Variants in MACF1 observed in about 807,000 individuals in gnomAD.
MACF1 encodes the protein microtubule actin crosslinking factor 1.
MACF1 carries 193 observed loss-of-function variants against 854.8 expected under a neutral mutation model. The ratio of observed to expected loss-of-function variants is 0.23; its 90% confidence interval spans 0.20 to 0.25. The LOEUF is 0.25. Ranked by LOEUF, MACF1 falls within the 10% of genes least tolerant of loss-of-function variation. The pLI is 1.00. For synonymous variants in MACF1, 3,185 were observed against 3,226.7 expected (o/e 0.99, Z 0.44); for missense variants, 7,722 against 8,929.1 (o/e 0.86, Z 5.45).
In MACF1 at chr1:39,302,949, G is replaced by A. The variant is rs1379344348; in HGVS notation, c.2660G>A (p.Cys887Tyr). 11 of 1,613,742 alleles carry A rather than the reference G, an allele frequency of 6.8e-6. No individual in the cohort carries two copies. The highest frequency in any genetic ancestry group is 2.2e-5 in the East Asian group (1 of 44,888). ...IEITICKNDECVLEDNSQRTK... is the reference protein window; with the variant it reads ...IEITICKNDEYVLEDNSQRTK... Reference sequence around the variant, plus strand: ...ATTACTATTTGCAAAAATGATGAATGTGTGCTAGAAGATAATTCTCAGCGG... The same window carrying A: ...ATTACTATTTGCAAAAATGATGAATATGTGCTAGAAGATAATTCTCAGCGG... Residue 887 changes from cysteine to tyrosine, a missense_variant, in exon 23 of 101, where the codon TGT (cysteine) becomes TAT (tyrosine). Transcript: ENST00000564288.
intron 6 of MACF1, among the ~76,000 whole-genome samples, chr1:39,280,217 CTTATTTTTATTATTTCATT>C (rs1274838824): frequency 6.6e-6 from 1 of 152,022 alleles, no homozygotes; most frequent in Non-Finnish European, 1.5e-5. Flanking sequence ...CTTTTATTTG[CTTATTTTTATTATTTCATT>C]TTATTTTTAT....
At chr1:39,411,284 A>T in intron 58 of MACF1, 1 of 1,614,042 alleles carries the variant, frequency 6.2e-7, no homozygotes, top group Non-Finnish European at 8.5e-7. Context: ...GAGGAAGAGA[A>T]ACTGTCAGAC....
At chr1:39,104,653 T>C (rs1279734695) in intron 2 of MACF1, among the ~76,000 whole-genome samples, 1 of 152,182 alleles carries the variant, frequency 6.6e-6, no homozygotes, top group Admixed American at 6.5e-5. Context: ...CAGAATCCCG[T>C]TTTCGTGCCT....
At chr1:39,173,470 G>A (rs376100766) in intron 2 of MACF1, among the ~76,000 whole-genome samples, 15 of 152,258 alleles carry the variant, frequency 9.9e-5, no homozygotes, top group Non-Finnish European at 1.8e-4. Context: ...GAGAGTTCAG[G>A]GTTTAGGCCT....
intron 91 of MACF1, chr1:39,459,891 G>T (rs1042691387): frequency 1.6e-6 from 2 of 1,259,408 alleles, no homozygotes; most frequent in East Asian, 1.1e-4. Context: ...TAAGCTTATT[G>T]GGTTCTTGGT....
intron 58 of MACF1, among the ~76,000 whole-genome samples, chr1:39,392,083 C>T (rs1473748000): frequency 6.6e-6 from 1 of 152,208 alleles, no homozygotes. Flanking sequence ...GGATGCAAAT[C>T]AAAAGCCCTG....
chr1:39,347,061 C>T lies in MACF1; in HGVS notation c.10666C>T (p.Gln3556Ter). ...TCAGTTCTTTATCTCAGAACATGCC[C>T]AGGACTTGTCCCCTCAGCAGAATCG... ...DIQFFISEHAQDLSPQQNRQM... is the reference protein window; with the variant it reads ...DIQFFISEHA The change falls in exon 41 of 101, where the codon CAG (glutamine) becomes TAG (stop). Residue 3556 changes from glutamine to a stop codon, truncating the protein, a stop_gained. Transcript: ENST00000564288. LOFTEE classifies it high-confidence loss of function. 1 of 1,614,128 alleles carries T rather than the reference C, an allele frequency of 6.2e-7. No homozygotes were observed. The highest frequency in any genetic ancestry group is 8.5e-7 in the Non-Finnish European group (1 of 1,179,982).
At chr1:39,324,822 A>G in intron 35 of MACF1, 88 bp downstream of exon 35, 1 of 1,019,816 alleles carries the variant, frequency 9.8e-7, no homozygotes, top group African/African-American at 1.6e-5. Context: ...TTCAGAATGG[A>G]GAATTCAGAG....
rs1383886033 is a variant in MACF1, at chr1:39,302,341, A to C, written c.2635-583A>C. 5.3e-5 allele frequency among the ~76,000 whole-genome samples: 8 copies of C among 152,298 alleles called. No homozygotes were observed. In the East Asian group the frequency reaches 1.5e-3, roughly 29 times the overall value. On this transcript the variant is annotated intron_variant, in intron 22 of 100. Coordinates refer to ENST00000564288, the MANE Select transcript of MACF1 (RefSeq NM_001394062.1). Reference sequence around the variant, plus strand: ...TCCAGTGTCCTAGCACATAGTAGACACTCAAGAAATATGTATTATACAAAA... The same window carrying C: ...TCCAGTGTCCTAGCACATAGTAGACCCTCAAGAAATATGTATTATACAAAA...
At chr1:39,239,285 AAAC>A (rs956592881) in intron 2 of MACF1, among the ~76,000 whole-genome samples, 2 of 23,500 alleles carry the variant, frequency 8.5e-5, no homozygotes, top group African/African-American at 1.5e-4. Context: ...TGTCTCAAAA[AAAC>A]AAACAAACAA....
At chr1:39,459,025 C>T in intron 90 of MACF1, 61 bp from the exon 91 acceptor site, 2 of 1,375,232 alleles carry the variant, frequency 1.5e-6, no homozygotes, top group East Asian at 2.3e-5. Flanking sequence ...TTTATACATA[C>T]AGCTATTTCT....
At chr1:39,156,626 A>T (rs779729542) in intron 2 of MACF1, among the ~76,000 whole-genome samples, 3 of 152,252 alleles carry the variant, frequency 2.0e-5, no homozygotes, top group Non-Finnish European at 4.4e-5. Flanking sequence ...CTCAAAAACA[A>T]CAAAAAAAGA....
rs771737818 is a variant in MACF1 at position 39,357,503 on chromosome 1, G to A, written c.11553G>A (p.Leu3851=). 6.2e-7 allele frequency: 1 copy of A among 1,614,040 alleles called. No homozygotes were observed. Among genetic ancestry groups the A allele is most frequent in the Non-Finnish European group, 8.5e-7 (1 of 1,180,030 alleles). Residue 3851 remains leucine (L), a synonymous_variant, in exon 45 of 101, where the codon CTG becomes CTA. Transcript: ENST00000564288. ...AGCAACAGATGCTGCAACAGAAGCT[G>A]GGAGAGCTAAAGGAACAATACTCTA... is the stretch of plus-strand genomic sequence containing the variant. ...PEEQQMLQQK[L]GELKEQYSTS... is the part of the protein sequence containing the mutation.
In MACF1 at chr1:39,379,332, C is replaced by T; in HGVS notation, c.13406C>T (p.Ala4469Val). 2 of 1,614,126 alleles carry T rather than the reference C, an allele frequency of 1.2e-6. No individual in the cohort carries two copies. The highest frequency in any genetic ancestry group is 1.7e-5 in the Admixed American group (1 of 60,004). Residue 4469 changes from alanine to valine, a missense_variant, in exon 54 of 101, where the codon GCA (alanine) becomes GTA (valine). Coordinates refer to ENST00000564288, the MANE Select transcript of MACF1 (RefSeq NM_001394062.1). The stretch of plus-strand genomic sequence containing the variant: ...AGAATGGAGGAGGTTCACAAGGAGG[C>T]AAACTCTGTGCTGCAGTGGCTGGAA... ...LNRMEEVHKE[A>V]NSVLQWLESK...
Position 39,353,071 on chromosome 1 carries a change from C to A in MACF1, c.11264C>A (p.Thr3755Asn). ...KKIDALLDWVTSVGSSGGQLL... is the reference protein window; with the variant it reads ...KKIDALLDWVNSVGSSGGQLL... ...ATCGATGCTCTCCTGGATTGGGTAA[C>A]TTCAGTAGGATCATCTGGTGGACAG... Residue 3755 changes from threonine to asparagine, a missense_variant, in exon 44 of 101, where the codon ACT becomes AAT. Around this residue, in one of 15 missense-constraint regions of MACF1, gnomAD observed 2,807 missense variants for 3,235.8 expected, o/e 0.87. Transcript: ENST00000564288. 6.2e-7 allele frequency: 1 copy of A among 1,614,134 alleles called. No individual in the cohort carries two copies. The highest frequency in any genetic ancestry group is 8.5e-7 in the Non-Finnish European group (1 of 1,180,018).
intron 6 of MACF1, among the ~76,000 whole-genome samples, chr1:39,273,105 T>A (rs1645357366): frequency 1.3e-5 from 2 of 151,972 alleles, no homozygotes; most frequent in Admixed American, 6.6e-5. Flanking sequence ...CGAATCCCAT[T>A]TAATGAAGCA....
chr1:39,381,989 C>T lies in MACF1; in HGVS notation c.13685C>T (p.Ala4562Val), dbSNP rs1194871168. The change falls in exon 56 of 101, where the codon GCT becomes GTT. Residue 4562 changes from alanine to valine, a missense_variant. Ala to Val is a moderately conservative substitution (Grantham distance 64). This residue lies in a region of MACF1 where 2,807 missense variants were observed against 3,235.8 expected (regional missense o/e 0.87). Coordinates refer to ENST00000564288, the MANE Select transcript of MACF1 (RefSeq NM_001394062.1). Reference sequence around the variant, plus strand: ...GAAAGGGCCACTGAGGTTACTGTGGCTCGGCAAAGGCAGCTAGAGGAATCT... The same window carrying T: ...GAAAGGGCCACTGAGGTTACTGTGGTTCGGCAAAGGCAGCTAGAGGAATCT... ...RWERATEVTVARQRQLEESAS... is the reference protein window; with the variant it reads ...RWERATEVTVVRQRQLEESAS... 2 of 1,614,108 alleles carry T rather than the reference C, an allele frequency of 1.2e-6. No homozygotes were observed. Among genetic ancestry groups the T allele is most frequent in the South Asian group, 2.2e-5 (2 of 91,082 alleles).
At position 39,335,585 on chromosome 1, in the gene MACF1, G is replaced by A; in HGVS notation, c.8997G>A (p.Leu2999=). ...CAGCATTTCTTTCTGAAGAAAAGTT[G>A]TATCAGGAAACTGCCATTAGAGATG... ...CKPAFLSEEK[L]YQETAIRDEH... Residue 2999 remains leucine, a synonymous_variant, in exon 37 of 101, where the codon TTG becomes TTA. Coordinates refer to ENST00000564288, the MANE Select transcript of MACF1 (RefSeq NM_001394062.1). The A allele has an allele frequency of 6.2e-7, 1 of 1,614,152 alleles. No individual in the cohort carries two copies. Among genetic ancestry groups the A allele is most frequent in the South Asian group, 1.1e-5 (1 of 91,068 alleles).
intron 2 of MACF1, among the ~76,000 whole-genome samples, chr1:39,157,182 C>T (rs1643708520): frequency 6.6e-6 from 1 of 152,124 alleles, no homozygotes; most frequent in Non-Finnish European, 1.5e-5. Flanking sequence ...ATTGCCCAGG[C>T]AGGTCTCAAA....
Sources: allele counts gnomAD v4.1 joint callset (sites outside exome capture counted in the v4.1 genomes callset), GRCh38; gene constraint gnomAD v4.1.1; regional missense constraint gnomAD v4.1.1; transcripts MANE v1.5; gene names NCBI Gene and HGNC (gene_info 2026-07-23, HGNC 2026-07-21).